The following ERC2 variants were observed in gnomAD, a reference collection of about 807,000 sequenced individuals.
ERC2 encodes the protein ERC protein 2.
A neutral mutation model predicts 114.8 loss-of-function variants in ERC2; 42 were observed. The ratio of observed to expected loss-of-function variants is 0.37; its 90% CI spans 0.29 to 0.47. The LOEUF (loss-of-function observed/expected upper bound fraction) is 0.47, where lower values mean the gene tolerates loss of function less well. ERC2 is among the 20% of genes least tolerant of loss of function. ERC2 has a pLI of 0.99. For synonymous variants in ERC2, 454 were observed against 425.5 expected, an observed-to-expected ratio of 1.07 and a Z score of -0.82; for missense variants, 939 against 1,150.7, an observed-to-expected ratio of 0.82 and a Z score of 2.66.
intron 17 of ERC2, among the ~76,000 whole-genome samples, chr3:55,608,203 C>G (rs1385238051): frequency 6.6e-6 from 1 of 152,138 alleles, no homozygotes. Context: ...GTCCTACAAA[C>G]AACATCCTTG....
intron 10 of ERC2, among the ~76,000 whole-genome samples, chr3:55,997,902 T>G (rs1428914598): frequency 0.039 from 1,938 of 50,176 alleles, 63 homozygotes; most frequent in East Asian, 0.11. Context: ...TTTTTTTTTT[T>G]TTTTTGTGTG....
chr3:56,335,768 C>T (rs1470822380), intron 2 of ERC2, among the ~76,000 whole-genome samples: 1 of 152,012 alleles, frequency 6.6e-6, no homozygotes, highest in African/African-American at 2.4e-5. Context: ...TATCTAGGGA[C>T]AGAAAAATAA....
chr3:55,655,756 A>G (rs1351981757), intron 17 of ERC2, among the ~76,000 whole-genome samples: 1 of 152,228 alleles, frequency 6.6e-6, no homozygotes, highest in Non-Finnish European at 1.5e-5. Flanking sequence ...CCTAGATCAT[A>G]CATAGAAAAG....
intron 2 of ERC2, among the ~76,000 whole-genome samples, chr3:56,346,960 C>T (rs892289942): frequency 1.3e-5 from 2 of 152,194 alleles, no homozygotes; most frequent in Non-Finnish European, 2.9e-5. Flanking sequence ...ATGACCTAAA[C>T]ATCTTCCATT....
rs539565518 is a variant in ERC2, at chr3:55,565,731, C to G, written c.*40-54455G>C. ...TGGCAACCAAAACCACATGAAACAT[C>G]GTGTTGAAAACTTGCTAAATCATTT... On this transcript the variant is annotated intron_variant, in intron 17 of 17. Coordinates refer to ENST00000288221, the MANE Select transcript of ERC2 (RefSeq NM_015576.3). 2.0e-5 allele frequency among the ~76,000 whole-genome samples: 3 copies of G among 152,328 alleles called. No individual in the cohort carries two copies. The East Asian group carries it at 5.8e-4, about 29-fold the overall frequency.
intron 14 of ERC2, among the ~76,000 whole-genome samples, chr3:55,822,743 A>G (rs956156127): frequency 1.3e-5 from 2 of 150,750 alleles, no homozygotes; most frequent in African/African-American, 4.9e-5. Flanking sequence ...CCTCCCGAGT[A>G]GCTGGGACTA....
chr3:55,924,967 C>T (rs377753157), intron 13 of ERC2, among the ~76,000 whole-genome samples: 1 of 152,214 alleles, frequency 6.6e-6, no homozygotes, highest in African/African-American at 2.4e-5. Context: ...TATATCCTCA[C>T]ATCTCTCTGA....
At chr3:55,800,148 T>C (rs551961162) in intron 14 of ERC2, among the ~76,000 whole-genome samples, 22 of 149,000 alleles carry the variant, frequency 1.5e-4, no homozygotes, top group Non-Finnish European at 2.9e-4. Context: ...TTTCTCTCTT[T>C]CTTTCTTTGT....
intron 15 of ERC2, among the ~76,000 whole-genome samples, chr3:55,726,077 G>A (rs2064896377): frequency 6.6e-6 from 1 of 152,206 alleles, no homozygotes; most frequent in African/African-American, 2.4e-5. Context: ...CTCTAGAATA[G>A]ACTGTAAAGA....
intron 3 of ERC2, among the ~76,000 whole-genome samples, chr3:56,176,444 T>C (rs1169049867): frequency 6.6e-6 from 1 of 152,166 alleles, no homozygotes. Context: ...GCAACAGTTA[T>C]TCAATAATGG....
intron 7 of ERC2, among the ~76,000 whole-genome samples, chr3:56,039,197 G>A (rs1452849999): frequency 2.0e-5 from 3 of 151,982 alleles, no homozygotes; most frequent in Admixed American, 1.3e-4. Context: ...TGTACATCCT[G>A]CACATGTACC....
chr3:55,646,653 T>A (rs1482297304), intron 17 of ERC2, among the ~76,000 whole-genome samples: 1 of 152,218 alleles, frequency 6.6e-6, no homozygotes, highest in Admixed American at 6.5e-5. Context: ...ACCCTACTTA[T>A]TACTGTCCCT....
At chr3:55,686,177 G>A (rs1235817719) in intron 16 of ERC2, among the ~76,000 whole-genome samples, 1 of 152,148 alleles carries the variant, frequency 6.6e-6, no homozygotes, top group African/African-American at 2.4e-5. Flanking sequence ...GATGTCGAGG[G>A]TTATTAAAAA....
At chr3:56,002,992 A>T in intron 10 of ERC2, 1 of 672,184 alleles carries the variant, frequency 1.5e-6, no homozygotes, top group Non-Finnish European at 2.2e-6. Context: ...AAAGGGGAAG[A>T]AACTCAAATA....
intron 14 of ERC2, among the ~76,000 whole-genome samples, chr3:55,754,182 T>A (rs1447348868): frequency 6.6e-6 from 1 of 152,084 alleles, no homozygotes; most frequent in East Asian, 1.9e-4. Flanking sequence ...AAAACTATTT[T>A]TTTTTTTGAG....
At chr3:56,029,246 A>G (rs1051229693) in intron 7 of ERC2, among the ~76,000 whole-genome samples, 3 of 150,920 alleles carry the variant, frequency 2.0e-5, no homozygotes, top group African/African-American at 7.4e-5. Context: ...AGAGACAGTC[A>G]TCTATAGGGT....
At chr3:56,429,492 A>G (rs1236487967) in intron 2 of ERC2, among the ~76,000 whole-genome samples, 1 of 152,212 alleles carries the variant, frequency 6.6e-6, no homozygotes, top group South Asian at 2.1e-4. Context: ...CCTCCAATTT[A>G]AGAAAATATA....
At chr3:55,837,081 C>T (rs1163538544) in intron 14 of ERC2, among the ~76,000 whole-genome samples, 1 of 152,126 alleles carries the variant, frequency 6.6e-6, no homozygotes, top group Non-Finnish European at 1.5e-5. Context: ...GTTAGAATGG[C>T]AATCATTAAA....
Position 55,734,795 on chromosome 3 carries a change from T to C in ERC2, c.2688A>G (p.Arg896=). Residue 896 remains arginine, a synonymous_variant, in exon 15 of 18, where the codon CGA becomes CGG. Transcript: ENST00000288221. Reference sequence around the variant, plus strand: ...CCTGCTGCTTTAATTGATGTACTAGTCGGTCTTTTTCCCGCTTGAGGGCCA... The same window carrying C: ...CCTGCTGCTTTAATTGATGTACTAGCCGGTCTTTTTCCCGCTTGAGGGCCA... ...EVMALKREKD[R]LVHQLKQQTQ... The C allele has an allele frequency of 6.2e-7, 1 of 1,612,896 alleles. No homozygotes were observed. Among genetic ancestry groups the C allele is most frequent in the Non-Finnish European group, 8.5e-7 (1 of 1,179,396 alleles).
Sources: gnomAD v4.1 joint callset for allele counts (sites outside exome capture counted in the v4.1 genomes callset) on GRCh38, gnomAD v4.1.1 for gene constraint, MANE v1.5 for transcripts, NCBI Gene and HGNC (gene_info 2026-07-23, HGNC 2026-07-21) for gene names.